Variants in PRH1 observed in about 807,000 individuals in gnomAD.
PRH1 encodes proline rich protein HaeIII subfamily 1.
PRH1 carries 7 observed loss-of-function variants against 7.9 expected under a neutral mutation model. That is an observed-to-expected ratio of 0.89 (90% CI 0.50 to 1.67). The LOEUF is 1.67. Among genes scored for constraint, PRH1 ranks in the 40% most tolerant of loss-of-function variants. PRH1 has a pLI of 0.00. For missense variants in PRH1, 109 were observed against 223.6 expected (o/e 0.49, Z 3.27); for synonymous variants, 45 against 80.8 (o/e 0.56, Z 2.38).
intron 2 of PRH1, among the ~76,000 whole-genome samples, chr12:10,934,202 C>T (rs902995745): frequency 9.9e-5 from 15 of 152,106 alleles, no homozygotes; most frequent in Admixed American, 9.8e-4. Flanking sequence ...ATTTTAAGAA[C>T]AGCTTCTTTC....
At chr12:11,106,100 C>A (rs1945405398) in intron 1 of PRH1, among the ~76,000 whole-genome samples, 1 of 102,950 alleles carries the variant, frequency 9.7e-6, no homozygotes, top group South Asian at 2.7e-4. Flanking sequence ...ACCACCACGC[C>A]CGGCTAATTT....
chr12:11,114,946 T>A (rs1945690049), intron 1 of PRH1, among the ~76,000 whole-genome samples: 1 of 151,828 alleles, frequency 6.6e-6, no homozygotes, highest in Admixed American at 6.6e-5. Flanking sequence ...CCAGAGAAAA[T>A]AACCTTCACT....
chr12:11,071,293 G>A (rs1944055521), intron 1 of PRH1, among the ~76,000 whole-genome samples: 1 of 151,698 alleles, frequency 6.6e-6, no homozygotes, highest in South Asian at 2.1e-4. Flanking sequence ...TACCTACTTG[G>A]CCACTTTTAT....
At chr12:11,141,958 T>A (rs1042694340) in intron 1 of PRH1, among the ~76,000 whole-genome samples, 2 of 152,056 alleles carry the variant, frequency 1.3e-5, no homozygotes, top group Non-Finnish European at 2.9e-5. Context: ...CAGATAATTT[T>A]TTTTTATTTT....
chr12:11,069,458 G>C lies in PRH1; in HGVS notation n.124-22270C>G, dbSNP rs1376238895. ...GGCAATCTCATGTTTTCAGTTTAGA[G>C]ACAAAAGACAACTAGCAAAGGAGAA... On this transcript the variant is annotated intron_variant and non_coding_transcript_variant, in intron 1 of 4. Transcript: ENST00000541977. 1.8e-4 allele frequency among the ~76,000 whole-genome samples: 7 copies of C among 39,568 alleles called. 1 individual carries two copies. Among genetic ancestry groups the C allele is most frequent in the African/African-American group, 3.7e-4 (7 of 18,810 alleles). The allele number at this position is 39,568 out of a possible 152,430, so 26.0% of individuals were successfully genotyped here. A position where few individuals can be genotyped will look rare whatever the true frequency, so the allele number is the denominator to read the frequency against.
At chr12:10,929,621 C>A (rs556930123) in intron 2 of PRH1, among the ~76,000 whole-genome samples, 19 of 152,238 alleles carry the variant, frequency 1.2e-4, no homozygotes, top group African/African-American at 4.6e-4. Flanking sequence ...ATGGAGAATG[C>A]AAGACAGATT....
chr12:11,067,931 T>C (rs2136197733), intron 1 of PRH1, among the ~76,000 whole-genome samples: 1 of 152,338 alleles, frequency 6.6e-6, no homozygotes. Flanking sequence ...TTCTCCTTTA[T>C]TCAGCAAATA....
intron 2 of PRH1, chr12:10,939,275 T>A: frequency 1.1e-6 from 1 of 889,022 alleles, no homozygotes; most frequent in Non-Finnish European, 1.7e-6. Flanking sequence ...TCATCTAAAA[T>A]GCTATGTATA....
At chr12:10,967,699 G>A (rs552551509) in intron 2 of PRH1, among the ~76,000 whole-genome samples, 6 of 152,032 alleles carry the variant, frequency 3.9e-5, no homozygotes, top group Non-Finnish European at 8.8e-5. Flanking sequence ...CTCCTTACAG[G>A]GAAATTCAAT....
At chr12:11,050,359 T>G (rs370053966), upstream of PRH1, among the ~76,000 whole-genome samples, 12 of 152,316 alleles carry the variant, frequency 7.9e-5, no homozygotes, top group African/African-American at 2.9e-4. Context: ...CAGGAATATG[T>G]CCTTAAGGTG....
chr12:11,153,622 T>C (rs1046341798), intron 1 of PRH1, among the ~76,000 whole-genome samples: 1 of 152,158 alleles, frequency 6.6e-6, no homozygotes, highest in Non-Finnish European at 1.5e-5. Context: ...TGAGTTACCT[T>C]GAGCTGTTTG....
intron 1 of PRH1, among the ~76,000 whole-genome samples, chr12:10,996,282 T>C (rs142698511): frequency 1.2e-3 from 177 of 151,818 alleles, no homozygotes; most frequent in African/African-American, 4.0e-3. Context: ...TGAGCCAAGA[T>C]TGTGCTACTG....
chr12:11,125,263 A>T (rs556380602), intron 1 of PRH1, among the ~76,000 whole-genome samples: 1 of 152,348 alleles, frequency 6.6e-6, no homozygotes, highest in South Asian at 2.1e-4. Context: ...TTCTTTTACC[A>T]CATTCTAAAA....
chr12:11,067,154 G>C (rs977882638), intron 1 of PRH1, among the ~76,000 whole-genome samples: 1 of 147,818 alleles, frequency 6.8e-6, no homozygotes, highest in East Asian at 1.9e-4. Flanking sequence ...CATGCTCAAA[G>C]ATCATGCTAA....
chr12:10,900,712 C>G (rs1280263180), intron 2 of PRH1, among the ~76,000 whole-genome samples: 2 of 152,220 alleles, frequency 1.3e-5, no homozygotes, highest in Admixed American at 1.3e-4. Flanking sequence ...GTGCAGCAGA[C>G]TCTCCTCCAC....
chr12:10,908,858 T>A, intron 2 of PRH1: 1 of 1,613,310 alleles, frequency 6.2e-7, no homozygotes, highest in Middle Eastern at 1.7e-4. Flanking sequence ...GCATGTTTAT[T>A]TGTATCAGAT....
At chr12:10,954,420 A>G (rs1200276269) in intron 2 of PRH1, among the ~76,000 whole-genome samples, 1 of 152,192 alleles carries the variant, frequency 6.6e-6, no homozygotes, top group Non-Finnish European at 1.5e-5. Context: ...AGAAAAATCT[A>G]CCAAGCAAAT....
At chr12:11,020,502 C>A (rs1941564793) in intron 1 of PRH1, among the ~76,000 whole-genome samples, 1 of 151,872 alleles carries the variant, frequency 6.6e-6, no homozygotes, top group African/African-American at 2.4e-5. Context: ...TTAACACAGT[C>A]ACACAGAATT....
At chr12:10,930,345 T>A (rs199601444) in intron 2 of PRH1, 70 of 1,596,098 alleles carry the variant, frequency 4.4e-5, no homozygotes, top group Non-Finnish European at 5.7e-5. Flanking sequence ...GTCTCCATTT[T>A]TCCCTGAAAA....
Sources: gnomAD v4.1 joint callset for allele counts (sites outside exome capture counted in the v4.1 genomes callset) on GRCh38, gnomAD v4.1.1 for gene constraint, MANE v1.5 for transcripts, NCBI Gene and HGNC (gene_info 2026-07-23, HGNC 2026-07-21) for gene names.